Variants in GSG1L observed in about 807,000 individuals in gnomAD.
GSG1L encodes the protein germ cell-specific gene 1-like protein.
In GSG1L, 24 loss-of-function variants were observed where a neutral mutation model predicts 42.1. The observed-to-expected ratio is 0.57, with a 90% CI of 0.41 to 0.80. The LOEUF is 0.80. Ranked by LOEUF, GSG1L falls within the 30% of genes least tolerant of loss-of-function variation. The pLI, the probability that GSG1L is intolerant of heterozygous loss-of-function variation, is 0.00. For missense variants in GSG1L, 445 were observed against 472.2 expected, an observed-to-expected ratio of 0.94 and a Z score of 0.53; for synonymous variants, 215 against 203.5, an observed-to-expected ratio of 1.06 and a Z score of -0.48.
At chr16:28,058,275 C>A (rs991195247) in intron 1 of GSG1L, among the ~76,000 whole-genome samples, 3 of 152,196 alleles carry the variant, frequency 2.0e-5, no homozygotes, top group Admixed American at 6.5e-5. Flanking sequence ...GTTTACTCAC[C>A]TAGGAAATGA....
At chr16:27,979,661 A>AAGAAAGAAAGAAAGAAAGAGAGAGAG (rs368394279) in intron 1 of GSG1L, among the ~76,000 whole-genome samples, 1 of 67,696 alleles carries the variant, frequency 1.5e-5, no homozygotes, top group African/African-American at 6.5e-5. Flanking sequence ...GAAAGAAAGA[A>AAGAAAGAAAGAAAGAAAGAGAGAGAG]AGAGAGAGAG....
intron 3 of GSG1L, among the ~76,000 whole-genome samples, chr16:27,855,553 C>G (rs2083567304): frequency 2.0e-5 from 3 of 151,938 alleles, no homozygotes; most frequent in African/African-American, 7.3e-5. Context: ...AACCCCATCT[C>G]TACTAAAAAT....
intron 2 of GSG1L, among the ~76,000 whole-genome samples, chr16:27,888,764 C>T (rs1379502112): frequency 1.3e-5 from 2 of 151,360 alleles, no homozygotes; most frequent in African/African-American, 4.9e-5. Flanking sequence ...ATTGCAGGCA[C>T]CCACCACCAT....
intron 3 of GSG1L, among the ~76,000 whole-genome samples, chr16:27,874,834 G>A (rs775832870): frequency 2.6e-5 from 4 of 152,050 alleles, no homozygotes; most frequent in East Asian, 3.9e-4. Context: ...GTGAATTATC[G>A]AAGCCTTGTA....
At chr16:27,826,493 G>A (rs148511989) in intron 5 of GSG1L, among the ~76,000 whole-genome samples, 27 of 152,308 alleles carry the variant, frequency 1.8e-4, no homozygotes, top group Middle Eastern at 3.4e-3. Flanking sequence ...AGTAGGCCCT[G>A]TGATAAGGAT....
chr16:27,867,289 C>T (rs1420423921), intron 3 of GSG1L, among the ~76,000 whole-genome samples: 1 of 152,232 alleles, frequency 6.6e-6, no homozygotes, highest in Non-Finnish European at 1.5e-5. Context: ...CAGCCCAGCT[C>T]TCCCACTCAT....
chr16:27,797,765 T>C (rs1314688960), intron 6 of GSG1L, among the ~76,000 whole-genome samples: 1 of 135,676 alleles, frequency 7.4e-6, no homozygotes, highest in Non-Finnish European at 1.5e-5. Context: ...GAGCTGGCAG[T>C]GAGCCGAGAT....
intron 1 of GSG1L, among the ~76,000 whole-genome samples, chr16:27,990,027 G>T (rs2085438001): frequency 6.6e-6 from 1 of 152,152 alleles, no homozygotes; most frequent in African/African-American, 2.4e-5. Context: ...CTTTGGAGAT[G>T]ATACCATTAG....
intron 1 of GSG1L, among the ~76,000 whole-genome samples, chr16:27,993,010 T>C (rs1038232923): frequency 2.6e-5 from 4 of 152,226 alleles, no homozygotes; most frequent in Non-Finnish European, 5.9e-5. Flanking sequence ...AATGTCCATA[T>C]GTCTAATTCT....
intron 3 of GSG1L, among the ~76,000 whole-genome samples, chr16:27,848,250 C>A (rs947499330): frequency 6.6e-6 from 1 of 152,198 alleles, no homozygotes; most frequent in Non-Finnish European, 1.5e-5. Flanking sequence ...CTGTTTGGCT[C>A]TCCCCTGAAT....
chr16:28,055,843 G>A (rs1037031129), intron 1 of GSG1L, among the ~76,000 whole-genome samples: 4 of 152,064 alleles, frequency 2.6e-5, no homozygotes, highest in Admixed American at 1.3e-4. Context: ...AACCTGCACC[G>A]TCCTGAAGGC....
At chr16:27,891,441 G>A (rs1258254058) in intron 2 of GSG1L, among the ~76,000 whole-genome samples, 5 of 144,886 alleles carry the variant, frequency 3.5e-5, no homozygotes, top group African/African-American at 1.4e-4. Flanking sequence ...GCCATACTGT[G>A]TAACTTTTTT....
chr16:27,837,495 G>T (rs547315746), intron 4 of GSG1L, among the ~76,000 whole-genome samples: 8 of 152,296 alleles, frequency 5.3e-5, no homozygotes, highest in African/African-American at 1.4e-4. Context: ...GGCTGGGAGG[G>T]GCCAGGGGGC....
intron 4 of GSG1L, among the ~76,000 whole-genome samples, chr16:27,835,515 T>C (rs1217099033): frequency 2.0e-5 from 3 of 152,166 alleles, no homozygotes; most frequent in Non-Finnish European, 2.9e-5. Flanking sequence ...ATTATTGATA[T>C]GTTATGGCTT....
At chr16:27,849,977 G>A (rs2083489922) in intron 3 of GSG1L, among the ~76,000 whole-genome samples, 1 of 146,570 alleles carries the variant, frequency 6.8e-6, no homozygotes, top group Non-Finnish European at 1.5e-5. Context: ...GGAGGAAGAA[G>A]TTTGGGTGGG....
At chr16:27,971,325 AC>A (rs1335165741) in intron 1 of GSG1L, among the ~76,000 whole-genome samples, 4 of 152,182 alleles carry the variant, frequency 2.6e-5, no homozygotes, top group Non-Finnish European at 5.9e-5. Context: ...ATTTCTTTTA[AC>A]AATGTTTTGT....
intron 2 of GSG1L, among the ~76,000 whole-genome samples, chr16:27,946,790 T>C (rs900549229): frequency 6.6e-6 from 1 of 152,172 alleles, no homozygotes; most frequent in Non-Finnish European, 1.5e-5. Context: ...TGAGTAGAAA[T>C]AAACGCAAAC....
chr16:27,994,659 C>T (rs2085494435), intron 1 of GSG1L, among the ~76,000 whole-genome samples: 1 of 152,098 alleles, frequency 6.6e-6, no homozygotes, highest in Non-Finnish European at 1.5e-5. Flanking sequence ...CTTTTACATT[C>T]ATTTTTGTAA....
intron 4 of GSG1L, among the ~76,000 whole-genome samples, chr16:27,843,903 G>A (rs2083415066): frequency 6.6e-6 from 1 of 152,172 alleles, no homozygotes; most frequent in African/African-American, 2.4e-5. Context: ...CAATCTTGGA[G>A]AACAAGAGGC....
Sources: allele counts gnomAD v4.1 joint callset (sites outside exome capture counted in the v4.1 genomes callset), GRCh38; gene constraint gnomAD v4.1.1; transcripts MANE v1.5; gene names NCBI Gene and HGNC (gene_info 2026-07-23, HGNC 2026-07-21).